GULP1: variants seen among roughly 807,000 people sequenced by gnomAD.
GULP1 encodes the protein GULP PTB domain containing engulfment adaptor 1.
In GULP1, 19 loss-of-function variants were observed where a neutral mutation model predicts 40.9. The ratio of observed to expected loss-of-function variants is 0.46; its 90% CI spans 0.32 to 0.68. GULP1 has a LOEUF of 0.68. Among genes scored for constraint, GULP1 ranks in the 30% least tolerant of loss-of-function variants. GULP1 has a pLI of 0.03. For missense variants in GULP1, 312 were observed against 362.2 expected (o/e 0.86, Z 1.12); for synonymous variants, 119 against 117.6 (o/e 1.01, Z -0.08).
chr2:188,594,497 C>T lies in GULP1; in HGVS notation c.*486C>T, dbSNP rs1704160263. The T allele has an allele frequency of 6.6e-6, 1 of 151,898 alleles. No homozygotes were observed. Among genetic ancestry groups the T allele is most frequent in the African/African-American group, 2.4e-5 (1 of 41,394 alleles). 9.4% of individuals were successfully genotyped at this position (151,898 alleles called of 1,614,324 possible). On this transcript the variant is annotated 3_prime_UTR_variant, in exon 12 of 12. Coordinates refer to ENST00000409830, the MANE Select transcript of GULP1 (RefSeq NM_016315.4). ...ACAGATATCATTTTATGTATAAATA[C>T]TGTTCACATCACTGGGAAAATGTAA... is the stretch of plus-strand genomic sequence containing the variant.
chr2:188,379,515 TAC>T (rs2048737324), intron 1 of GULP1, among the ~76,000 whole-genome samples: 1 of 152,206 alleles, frequency 6.6e-6, no homozygotes, highest in Admixed American at 6.5e-5. Flanking sequence ...CTAACAAATA[TAC>T]ACACATTTCC....
chr2:188,574,943 T>C (rs1699871998), intron 9 of GULP1, among the ~76,000 whole-genome samples: 1 of 152,212 alleles, frequency 6.6e-6, no homozygotes, highest in African/African-American at 2.4e-5. Flanking sequence ...CGTGCATGTT[T>C]CTACTTTCCT....
intron 2 of GULP1, among the ~76,000 whole-genome samples, chr2:188,396,437 C>T (rs946780319): frequency 1.3e-5 from 2 of 152,184 alleles, no homozygotes; most frequent in African/African-American, 2.4e-5. Flanking sequence ...AGTCCATATG[C>T]GGAGCGGGGA....
chr2:188,534,180 T>TAAAC (rs1167537552), intron 6 of GULP1, among the ~76,000 whole-genome samples: 1 of 151,674 alleles, frequency 6.6e-6, no homozygotes, highest in Non-Finnish European at 1.5e-5. Flanking sequence ...CAGAAAGACA[T>TAAAC]ACACTCTCAT....
At chr2:188,362,633 A>G (rs2046245756) in intron 1 of GULP1, among the ~76,000 whole-genome samples, 1 of 152,158 alleles carries the variant, frequency 6.6e-6, no homozygotes, top group Non-Finnish European at 1.5e-5. Flanking sequence ...TAAATTTACA[A>G]GTAACCCCAG....
intron 9 of GULP1, among the ~76,000 whole-genome samples, chr2:188,571,802 G>A (rs1460727219): frequency 6.6e-6 from 1 of 152,190 alleles, no homozygotes; most frequent in Admixed American, 6.5e-5. Context: ...GTGAAGGGAA[G>A]TAACTTTTTC....
At chr2:188,523,298 A>G (rs940029680) in intron 5 of GULP1, among the ~76,000 whole-genome samples, 2 of 152,194 alleles carry the variant, frequency 1.3e-5, no homozygotes, top group African/African-American at 4.8e-5. Context: ...TACAGGTCCA[A>G]CAGGATCTGG....
At chr2:188,579,456 C>A (rs1421766846) in intron 9 of GULP1, among the ~76,000 whole-genome samples, 1 of 151,770 alleles carries the variant, frequency 6.6e-6, no homozygotes, top group African/African-American at 2.4e-5. Flanking sequence ...TATTTTGATA[C>A]CTGCACACAG....
At chr2:188,366,453 C>A (rs2046795305) in intron 1 of GULP1, among the ~76,000 whole-genome samples, 1 of 152,064 alleles carries the variant, frequency 6.6e-6, no homozygotes, top group Non-Finnish European at 1.5e-5. Flanking sequence ...GTTAACTGCC[C>A]AGTATAGCAT....
intron 1 of GULP1, among the ~76,000 whole-genome samples, chr2:188,305,450 C>T (rs1487796081): frequency 6.6e-6 from 1 of 152,194 alleles, no homozygotes; most frequent in Non-Finnish European, 1.5e-5. Flanking sequence ...CTTGGCCCCT[C>T]TGTGTAGCAT....
intron 1 of GULP1, among the ~76,000 whole-genome samples, chr2:188,335,645 G>A (rs990024556): frequency 2.0e-5 from 3 of 152,074 alleles, no homozygotes; most frequent in African/African-American, 4.8e-5. Flanking sequence ...AGTGACTTCC[G>A]TGTCTATAGT....
intron 2 of GULP1, among the ~76,000 whole-genome samples, chr2:188,464,476 C>T (rs1195808339): frequency 2.0e-5 from 3 of 152,194 alleles, no homozygotes; most frequent in Non-Finnish European, 4.4e-5. Flanking sequence ...AGCACTGGTT[C>T]TCACCTAAGG....
In GULP1 at chr2:188,522,662, A is replaced by G. The variant is rs867959992; in HGVS notation, c.91-94A>G. On this transcript the variant is annotated intron_variant, in intron 4 of 11. Transcript: ENST00000409830. ...AATTAACATATGAGTTTGCATTACT[A>G]TTAAACCATTCTATTATGCAATCTT... is the stretch of plus-strand genomic sequence containing the variant. 43 of 661,710 alleles carry G rather than the reference A, an allele frequency of 6.5e-5. No homozygotes were observed. The Middle Eastern group carries it at 1.3e-3, about 20-fold the overall frequency. The allele number at this position is 661,710 out of a possible 1,614,324, so 41.0% of individuals were successfully genotyped here.
At chr2:188,336,259 G>A (rs967962524) in intron 1 of GULP1, among the ~76,000 whole-genome samples, 9 of 152,286 alleles carry the variant, frequency 5.9e-5, no homozygotes, top group Middle Eastern at 3.4e-3. Flanking sequence ...AGGAGATTGC[G>A]TGGTTGGGAA....
chr2:188,471,728 T>G (rs113622193), intron 2 of GULP1, among the ~76,000 whole-genome samples: 3 of 152,336 alleles, frequency 2.0e-5, no homozygotes, highest in African/African-American at 7.2e-5. Context: ...CTTATTGTAC[T>G]ATGTCCAGAA....
At chr2:188,382,941 A>G (rs1279730240) in intron 1 of GULP1, among the ~76,000 whole-genome samples, 2 of 152,204 alleles carry the variant, frequency 1.3e-5, no homozygotes, top group South Asian at 2.1e-4. Flanking sequence ...TCTATCTAAG[A>G]AAGTCAAAAA....
At chr2:188,526,333 A>G (rs1432441530) in intron 5 of GULP1, among the ~76,000 whole-genome samples, 1 of 152,162 alleles carries the variant, frequency 6.6e-6, no homozygotes, top group African/African-American at 2.4e-5. Context: ...TCAGGGTTTA[A>G]TGGCAGATCA....
At chr2:188,510,685 A>T (rs1305816800) in intron 4 of GULP1, among the ~76,000 whole-genome samples, 1 of 150,634 alleles carries the variant, frequency 6.6e-6, no homozygotes, top group Non-Finnish European at 1.5e-5. Context: ...TAGATATCCT[A>T]AAAATCCCAC....
intron 1 of GULP1, among the ~76,000 whole-genome samples, chr2:188,356,729 A>C (rs1238042495): frequency 6.6e-6 from 1 of 152,122 alleles, no homozygotes; most frequent in Non-Finnish European, 1.5e-5. Context: ...CAAAAAGCTA[A>C]AACAATCCTA....
Sources: allele counts gnomAD v4.1 joint callset (sites outside exome capture counted in the v4.1 genomes callset), GRCh38; gene constraint gnomAD v4.1.1; transcripts MANE v1.5; gene names NCBI Gene and HGNC (gene_info 2026-07-23, HGNC 2026-07-21).